NELL1: variants seen among roughly 807,000 people sequenced by gnomAD.
NELL1 encodes neural EGFL like 1, also known as protein kinase C-binding protein NELL1.
In NELL1, 76 loss-of-function variants were observed where a neutral mutation model predicts 107.4. That is an observed-to-expected ratio of 0.71 (90% CI 0.59 to 0.86). The LOEUF (loss-of-function observed/expected upper bound fraction) is 0.86, where lower values mean the gene tolerates loss of function less well. Ranked by LOEUF, NELL1 falls within the 40% of genes least tolerant of loss-of-function variation. The pLI, the probability that NELL1 is intolerant of heterozygous loss-of-function variation, is 0.00. For synonymous variants in NELL1, 353 were observed against 341.2 expected (o/e 1.03, Z -0.38); for missense variants, 1,024 against 1,005.5 (o/e 1.02, Z -0.25).
chr11:21,163,383 A>G (rs1180570199), intron 13 of NELL1, among the ~76,000 whole-genome samples: 1 of 152,122 alleles, frequency 6.6e-6, no homozygotes, highest in Non-Finnish European at 1.5e-5. Context: ...AAGCTTTTAG[A>G]ATAGTCTGGA....
chr11:21,461,606 C>A (rs1853901997), intron 15 of NELL1, among the ~76,000 whole-genome samples: 1 of 152,064 alleles, frequency 6.6e-6, no homozygotes, highest in Non-Finnish European at 1.5e-5. Context: ...GTACTATAGA[C>A]TTTAACTATA....
In NELL1 at chr11:21,337,833, T is replaced by C. The variant is rs1325674116; in HGVS notation, c.1550-33020T>C. On this transcript the variant is annotated intron_variant, in intron 14 of 19. Transcript: ENST00000357134. ...CTTGCTTTCCTTCTTTCTTTCTTTC[T>C]TTCTTTTCTTTCTTTCTTTCTTTCT... is the stretch of plus-strand genomic sequence containing the variant. 6.6e-3 allele frequency among the ~76,000 whole-genome samples: 114 copies of C among 17,262 alleles called. 6 individuals carry two copies. The South Asian group carries it at 0.2, about 31-fold the overall frequency. 11.3% of individuals were successfully genotyped at this position (17,262 alleles called of 152,430 possible).
chr11:21,327,392 G>T (rs1293828877), intron 14 of NELL1, among the ~76,000 whole-genome samples: 1 of 151,962 alleles, frequency 6.6e-6, no homozygotes. Context: ...CATTTTGCTT[G>T]GCACTTCTTA....
At chr11:21,269,045 A>G (rs368628509) in intron 14 of NELL1, among the ~76,000 whole-genome samples, 96 of 152,208 alleles carry the variant, frequency 6.3e-4, no homozygotes, top group African/African-American at 2.2e-3. Flanking sequence ...TAAACTTTAC[A>G]TGGCTGAGGA....
chr11:20,764,220 T>C (rs1277344234), intron 2 of NELL1, among the ~76,000 whole-genome samples: 1 of 152,234 alleles, frequency 6.6e-6, no homozygotes. Context: ...AAATAATAAC[T>C]ATATTTTAGG....
chr11:21,237,573 G>T (rs150048942), intron 14 of NELL1, among the ~76,000 whole-genome samples: 201 of 152,138 alleles, frequency 1.3e-3, no homozygotes, highest in African/African-American at 4.5e-3. Flanking sequence ...AATCAAGGCA[G>T]TCATCATAGA....
intron 14 of NELL1, among the ~76,000 whole-genome samples, chr11:21,232,329 C>CAA (rs35426602): frequency 0.02 from 2,438 of 121,400 alleles, 43 homozygotes; most frequent in African/African-American, 0.041. Context: ...CACTCCATCT[C>CAA]AAAAAAAAAA....
rs190677933 is a variant in NELL1 at position 21,489,279 on chromosome 11, G to A, written c.1646-45095G>A. 3.2e-3 allele frequency among the ~76,000 whole-genome samples: 456 copies of A among 143,316 alleles called. 2 individuals carry two copies. The highest frequency in any genetic ancestry group is 0.011 in the African/African-American group (427 of 39,360). The allele number at this position is 143,316 out of a possible 152,430, so 94.0% of individuals were successfully genotyped here. On this transcript the variant is annotated intron_variant, in intron 15 of 19. Coordinates refer to ENST00000357134, the MANE Select transcript of NELL1 (RefSeq NM_006157.5). ...AATAATGAGTAGTCAGATTGAATCA[G>A]TAATATAAAGTCTCCTAACAAAAGC...
At chr11:21,547,256 T>G (rs898921855) in intron 16 of NELL1, among the ~76,000 whole-genome samples, 7 of 151,870 alleles carry the variant, frequency 4.6e-5, no homozygotes, top group Non-Finnish European at 8.8e-5. Context: ...AACTACTCAT[T>G]AAAGGATCTG....
chr11:21,486,344 C>T (rs1386684587), intron 15 of NELL1, among the ~76,000 whole-genome samples: 11 of 151,942 alleles, frequency 7.2e-5, no homozygotes, highest in African/African-American at 1.9e-4. Context: ...CCCTAAGCCA[C>T]TGAGGAAATT....
chr11:21,527,702 C>T (rs909429020), intron 15 of NELL1, among the ~76,000 whole-genome samples: 1 of 152,202 alleles, frequency 6.6e-6, no homozygotes, highest in Non-Finnish European at 1.5e-5. Context: ...CAGCCTTCAG[C>T]CTATGGCTGA....
In NELL1 at chr11:20,976,215, T is replaced by TA. The variant is rs1412330703; in HGVS notation, c.1300+15655_1300+15656insA. Among the ~76,000 whole-genome samples, 8 of 151,394 alleles carry TA rather than the reference T, an allele frequency of 5.3e-5. No homozygotes were observed. In the East Asian group the frequency reaches 9.7e-4, roughly 18 times the overall value. On this transcript the variant is annotated intron_variant, in intron 12 of 19. Transcript: ENST00000357134. ...ATCTGTACATATATATGTACAGATATGTGTGTGTATATATATACATGTAAT... is the reference window on the plus strand; with the variant it reads ...ATCTGTACATATATATGTACAGATATAGTGTGTGTATATATATACATGTAAT...
intron 2 of NELL1, among the ~76,000 whole-genome samples, chr11:20,712,814 T>A (rs1855146506): frequency 6.6e-6 from 1 of 152,190 alleles, no homozygotes; most frequent in Admixed American, 6.5e-5. Flanking sequence ...TTGCAACAAG[T>A]CCTGTGATAT....
At chr11:20,818,406 C>CTT (rs57318040) in intron 3 of NELL1, among the ~76,000 whole-genome samples, 14 of 108,686 alleles carry the variant, frequency 1.3e-4, no homozygotes, top group African/African-American at 3.9e-4. Context: ...GCAACCCCTG[C>CTT]TTTTTTTTTT....
At position 21,545,230 on chromosome 11, in the gene NELL1, G is replaced by A. The variant is rs570503995; in HGVS notation, c.1786+10716G>A. On this transcript the variant is annotated intron_variant, in intron 16 of 19. Coordinates refer to ENST00000357134, the MANE Select transcript of NELL1 (RefSeq NM_006157.5). ...CTCTATTTTTTAAAATGACATTTAC[G>A]AGGTTGCTCTCCTTTCCACTCTGAT... 3.4e-5 allele frequency among the ~76,000 whole-genome samples: 5 copies of A among 146,932 alleles called. No individual in the cohort carries two copies. The South Asian group carries it at 1.1e-3, about 32-fold the overall frequency.
chr11:20,823,073 A>G (rs1046794210), intron 3 of NELL1, among the ~76,000 whole-genome samples: 1 of 151,658 alleles, frequency 6.6e-6, no homozygotes, highest in Non-Finnish European at 1.5e-5. Flanking sequence ...CAAGGTCTGT[A>G]TATTAGTCTG....
intron 16 of NELL1, among the ~76,000 whole-genome samples, chr11:21,542,411 A>G (rs1218251111): frequency 2.0e-5 from 3 of 152,022 alleles, no homozygotes; most frequent in Non-Finnish European, 1.5e-5. Flanking sequence ...GAAAATACAA[A>G]AAAAGGGAGC....
intron 3 of NELL1, among the ~76,000 whole-genome samples, chr11:20,817,006 A>G (rs571664950): frequency 5.1e-4 from 77 of 152,302 alleles, no homozygotes; most frequent in African/African-American, 1.8e-3. Context: ...ATCATGAAGA[A>G]TCAAGTTCTT....
chr11:20,838,179 T>C (rs1848566489), intron 3 of NELL1, among the ~76,000 whole-genome samples: 1 of 151,552 alleles, frequency 6.6e-6, no homozygotes, highest in Non-Finnish European at 1.5e-5. Flanking sequence ...AACCCTAGTA[T>C]AATTATGAGA....
Sources: gnomAD v4.1 joint callset for allele counts (sites outside exome capture counted in the v4.1 genomes callset) on GRCh38, gnomAD v4.1.1 for gene constraint, MANE v1.5 for transcripts, NCBI Gene and HGNC (gene_info 2026-07-23, HGNC 2026-07-21) for gene names.